Variants in PCDH15 observed in about 807,000 individuals in gnomAD.
PCDH15 encodes protocadherin-15.
In PCDH15, 129 loss-of-function variants were observed where a neutral mutation model predicts 178.5. That is an observed-to-expected ratio of 0.72 (90% CI 0.63 to 0.84). The LOEUF (loss-of-function observed/expected upper bound fraction) is 0.84, where lower values mean the gene tolerates loss of function less well. Among genes scored for constraint, PCDH15 ranks in the 40% least tolerant of loss-of-function variants. The pLI, the probability that PCDH15 is intolerant of heterozygous loss-of-function variation, is 0.00. For missense variants in PCDH15, 2,230 were observed against 2,099.9 expected (o/e 1.06, Z -1.21); for synonymous variants, 800 against 732.0 (o/e 1.09, Z -1.50).
chr10:53,988,742 T>C (rs2091274813), intron 21 of PCDH15, among the ~76,000 whole-genome samples: 1 of 152,186 alleles, frequency 6.6e-6, no homozygotes, highest in South Asian at 2.1e-4. Context: ...AGAGAAAGTC[T>C]ATTATATTTC....
intron 2 of PCDH15, among the ~76,000 whole-genome samples, chr10:55,392,010 A>G (rs1429295270): frequency 6.6e-6 from 1 of 152,136 alleles, no homozygotes; most frequent in Non-Finnish European, 1.5e-5. Flanking sequence ...GTTTCATTAT[A>G]GTTGTGAATC....
chr10:54,046,748 CT>C (rs759305016), intron 18 of PCDH15, among the ~76,000 whole-genome samples: 1 of 152,128 alleles, frequency 6.6e-6, no homozygotes, highest in Admixed American at 6.6e-5. Flanking sequence ...TTTATGTTTA[CT>C]GTATAATAAT....
chr10:54,191,769 AAAT>A (rs2049014435), intron 11 of PCDH15, among the ~76,000 whole-genome samples: 1 of 131,560 alleles, frequency 7.6e-6, no homozygotes, highest in African/African-American at 3.1e-5. Context: ...AAAAAAAAAA[AAAT>A]TAGCTAGGCA....
intron 2 of PCDH15, among the ~76,000 whole-genome samples, chr10:55,031,416 T>C (rs1840605961): frequency 6.6e-6 from 1 of 152,160 alleles, no homozygotes; most frequent in Non-Finnish European, 1.5e-5. Flanking sequence ...AAATTTATCA[T>C]CTCATATAAA....
At chr10:54,643,535 C>A (rs537996316) in intron 2 of PCDH15, among the ~76,000 whole-genome samples, 5 of 152,058 alleles carry the variant, frequency 3.3e-5, no homozygotes, top group African/African-American at 1.2e-4. Flanking sequence ...GATATTTTCC[C>A]AGGATAGATT....
At position 54,105,299 on chromosome 10, in the gene PCDH15, TATATATATATATATATATAC is replaced by T. The variant is rs1184666439; in HGVS notation, c.1918-15256_1918-15237del. On this transcript the variant is annotated intron_variant, in intron 15 of 37. Transcript: ENST00000644397. ...GGAGATATATATATATATATATATA[TATATATATATATATATATAC>T]ACACACACATACATATATATACACA... Among the ~76,000 whole-genome samples, 43 of 97,942 alleles carry T rather than the reference TATATATATATATATATATAC, an allele frequency of 4.4e-4. 1 individual carries two copies. Among genetic ancestry groups the T allele is most frequent in the African/African-American group, 1.8e-3 (40 of 21,714 alleles). The allele number at this position is 97,942 out of a possible 152,430, so 64.3% of individuals were successfully genotyped here. A position where few individuals can be genotyped will look rare whatever the true frequency, so the allele number is the denominator to read the frequency against.
chr10:55,072,300 G>A (rs1199621977), intron 2 of PCDH15, among the ~76,000 whole-genome samples: 4 of 151,996 alleles, frequency 2.6e-5, no homozygotes, highest in East Asian at 1.9e-4. Context: ...AAAATTAATG[G>A]ATCCAGGAGC....
chr10:55,131,745 T>A (rs1247725551), intron 2 of PCDH15, among the ~76,000 whole-genome samples: 1 of 151,794 alleles, frequency 6.6e-6, no homozygotes, highest in African/African-American at 2.4e-5. Flanking sequence ...CATTCCATCA[T>A]CTGCCTGAGC....
chr10:54,141,587 T>G (rs1333217529), intron 14 of PCDH15, among the ~76,000 whole-genome samples: 1 of 152,176 alleles, frequency 6.6e-6, no homozygotes, highest in African/African-American at 2.4e-5. Flanking sequence ...GGCTGTTTTT[T>G]TAAGAAAAAT....
intron 8 of PCDH15, among the ~76,000 whole-genome samples, chr10:54,300,354 T>C (rs925616258): frequency 3.9e-5 from 6 of 152,200 alleles, no homozygotes; most frequent in Non-Finnish European, 8.8e-5. Flanking sequence ...ATTTTTAACC[T>C]CCTTGTCAAA....
chr10:55,455,612 A>G (rs1839533383), intron 2 of PCDH15, among the ~76,000 whole-genome samples: 2 of 152,154 alleles, frequency 1.3e-5, no homozygotes, highest in African/African-American at 4.8e-5. Flanking sequence ...TTAATTGAAA[A>G]AAAAGGTGAA....
chr10:54,000,741 G>A (rs991069747), intron 20 of PCDH15, among the ~76,000 whole-genome samples: 1 of 152,148 alleles, frequency 6.6e-6, no homozygotes, highest in Non-Finnish European at 1.5e-5. Context: ...TTAAAGAGGA[G>A]ACAGACAAAG....
At chr10:54,906,142 C>A (rs1349416019) in intron 2 of PCDH15, among the ~76,000 whole-genome samples, 1 of 151,980 alleles carries the variant, frequency 6.6e-6, no homozygotes, top group Non-Finnish European at 1.5e-5. Context: ...TCAAAAGGGG[C>A]TGGTTCAGAA....
At chr10:55,266,043 T>A (rs549727897) in intron 1 of PCDH15, among the ~76,000 whole-genome samples, 1 of 152,202 alleles carries the variant, frequency 6.6e-6, no homozygotes, top group East Asian at 1.9e-4. Flanking sequence ...GTTTAACCAC[T>A]CCCATAGAAG....
At chr10:54,715,447 T>G (rs1307645482) in intron 1 of PCDH15, among the ~76,000 whole-genome samples, 3 of 152,064 alleles carry the variant, frequency 2.0e-5, no homozygotes, top group African/African-American at 7.2e-5. Flanking sequence ...AAACAGTGCA[T>G]AAAGATTGAC....
chr10:54,705,167 C>T (rs1337867785), intron 1 of PCDH15, among the ~76,000 whole-genome samples: 1 of 152,004 alleles, frequency 6.6e-6, no homozygotes, highest in East Asian at 1.9e-4. Context: ...CTGATGCCTA[C>T]TTGAGAGTTT....
intron 2 of PCDH15, among the ~76,000 whole-genome samples, chr10:55,003,427 A>G (rs1839841850): frequency 6.6e-6 from 1 of 152,150 alleles, no homozygotes; most frequent in Admixed American, 6.5e-5. Flanking sequence ...GGACAGAAAT[A>G]ATATTGAAAC....
intron 3 of PCDH15, among the ~76,000 whole-genome samples, chr10:54,814,597 T>C (rs1952919192): frequency 6.6e-6 from 1 of 152,172 alleles, no homozygotes; most frequent in South Asian, 2.1e-4. Context: ...AAGGGTCTTT[T>C]CTGATCTGGT....
At chr10:54,858,497 G>T (rs1054064962) in intron 3 of PCDH15, among the ~76,000 whole-genome samples, 3 of 151,996 alleles carry the variant, frequency 2.0e-5, no homozygotes, top group African/African-American at 7.3e-5. Flanking sequence ...TCAGTGAATC[G>T]CAATCACATG....
Sources: allele counts gnomAD v4.1 joint callset (sites outside exome capture counted in the v4.1 genomes callset), GRCh38; gene constraint gnomAD v4.1.1; transcripts MANE v1.5; gene names NCBI Gene and HGNC (gene_info 2026-07-23, HGNC 2026-07-21).